The following PLXNA4 variants were observed in gnomAD, a reference collection of about 807,000 sequenced individuals.
PLXNA4 encodes the protein plexin-A4.
A neutral mutation model predicts 191.8 loss-of-function variants in PLXNA4; 44 were observed. The observed-to-expected ratio is 0.23, with a 90% CI of 0.18 to 0.29. PLXNA4 has a LOEUF of 0.29. Among genes scored for constraint, PLXNA4 ranks in the 10% least tolerant of loss-of-function variants. The pLI is 1.00. For missense variants in PLXNA4, 1,800 were observed against 2,488.8 expected (o/e 0.72, Z 5.89); for synonymous variants, 1,082 against 1,009.5 (o/e 1.07, Z -1.36).
intron 3 of PLXNA4, among the ~76,000 whole-genome samples, chr7:132,327,371 T>C (rs887672279): frequency 6.6e-6 from 1 of 152,144 alleles, no homozygotes; most frequent in Non-Finnish European, 1.5e-5. Context: ...AGATTAAATA[T>C]ATAGATTTTT....
rs540250301 is a variant in PLXNA4 at position 132,486,254 on chromosome 7, G to A, written c.1371+3038C>T. Among the ~76,000 whole-genome samples the A allele has an allele frequency of 2.6e-5, 4 of 152,286 alleles. No homozygotes were observed. The East Asian group carries it at 5.8e-4, about 22-fold the overall frequency. On this transcript the variant is annotated intron_variant, in intron 3 of 31. Transcript: ENST00000321063. ...CTCCTGCAGCTCCACAACTTGTCAC[G>A]GCTGGGCCTCTGCCCAAAAGGTGAC...
chr7:132,151,330 AAG>A lies in PLXNA4; in HGVS notation c.4661-2686_4661-2685del, dbSNP rs1218237918. Among the ~76,000 whole-genome samples, 51 of 55,308 alleles carry A rather than the reference AAG, an allele frequency of 9.2e-4. 1 individual carries two copies. The highest frequency in any genetic ancestry group is 1.5e-3 in the East Asian group (2 of 1,362). The allele number at this position is 55,308 out of a possible 152,430, so 36.3% of individuals were successfully genotyped here. ...AGGAAGAAGGAGGAGGAGGAGGAAGAAGAAGGAGGAGGAGGAGGAAGAAGAAG... is the reference window on the plus strand; with the variant it reads ...AGGAAGAAGGAGGAGGAGGAGGAAGAAAGGAGGAGGAGGAGGAAGAAGAAG... On this transcript the variant is annotated intron_variant, in intron 25 of 31. Coordinates refer to ENST00000321063, the MANE Select transcript of PLXNA4 (RefSeq NM_020911.2).
chr7:132,173,334 C>T (rs913658077), intron 21 of PLXNA4, among the ~76,000 whole-genome samples: 4 of 152,164 alleles, frequency 2.6e-5, no homozygotes, highest in African/African-American at 7.2e-5. Context: ...TCAGGATACA[C>T]GTTATGTTTT....
At chr7:132,491,445 C>T (rs939467325) in intron 2 of PLXNA4, among the ~76,000 whole-genome samples, 4 of 152,172 alleles carry the variant, frequency 2.6e-5, no homozygotes, top group Admixed American at 2.6e-4. Context: ...CATCTGAAGC[C>T]TCTCTGATGG....
At chr7:132,646,534 A>G (rs1416506419) in intron 1 of PLXNA4, among the ~76,000 whole-genome samples, 1 of 152,098 alleles carries the variant, frequency 6.6e-6, no homozygotes, top group Non-Finnish European at 1.5e-5. Flanking sequence ...AGAGGAAGAG[A>G]GACCAGAGTG....
chr7:132,164,419 T>A, intron 23 of PLXNA4, 131 bp from the exon 24 acceptor site: 1 of 1,355,556 alleles, frequency 7.4e-7, no homozygotes, highest in East Asian at 2.5e-5. Flanking sequence ...GCTTTTATAC[T>A]CAGCTCTTCA....
At chr7:132,272,115 C>T (rs1246150574) in intron 4 of PLXNA4, among the ~76,000 whole-genome samples, 3 of 152,160 alleles carry the variant, frequency 2.0e-5, no homozygotes, top group African/African-American at 7.2e-5. Flanking sequence ...TGAGTCAGTG[C>T]ATCAACATAC....
At chr7:132,270,690 A>G (rs1052855548) in intron 4 of PLXNA4, among the ~76,000 whole-genome samples, 3 of 152,232 alleles carry the variant, frequency 2.0e-5, no homozygotes, top group Admixed American at 6.5e-5. Flanking sequence ...CCTGATGTAC[A>G]GGCAGAATCA....
In PLXNA4 at chr7:132,249,024, T is replaced by C. The variant is rs1475220449; in HGVS notation, c.1504-7858A>G. On this transcript the variant is annotated intron_variant, in intron 4 of 31. Transcript: ENST00000321063. ...GCAGCAGCCTTGGCTACCACCACTG[T>C]CCCTACCTGCCTCTAGGCAGGACCT... Among the ~76,000 whole-genome samples the C allele has an allele frequency of 2.6e-5, 4 of 152,312 alleles. No individual in the cohort carries two copies. The South Asian group carries it at 8.3e-4, about 32-fold the overall frequency.
intron 20 of PLXNA4, among the ~76,000 whole-genome samples, chr7:132,175,400 T>C (rs1055497237): frequency 6.6e-6 from 1 of 152,188 alleles, no homozygotes; most frequent in African/African-American, 2.4e-5. Flanking sequence ...AAAACAAGTT[T>C]AAAGACACAA....
Position 132,168,360 on chromosome 7 carries a change from G to A in PLXNA4, c.4230C>T (p.Ala1410=), listed in dbSNP as rs749584774. The part of the protein sequence containing the change: ...YATDVLKQLL[A]DLIDKNLESK... ...TCTCCAGGTTCTTGTCAATGAGGTC[G>A]GCCAGCAGCTGCTTCAGCACATCAG... Residue 1410 remains alanine, a synonymous_variant, in exon 22 of 32, where the codon GCC becomes GCT. Transcript: ENST00000321063. 2.7e-5 allele frequency: 43 copies of A among 1,606,220 alleles called. No individual in the cohort carries two copies. Among genetic ancestry groups the A allele is most frequent in the Admixed American group, 5.0e-5 (3 of 59,612 alleles).
chr7:132,358,770 G>T (rs1297660938), intron 3 of PLXNA4, among the ~76,000 whole-genome samples: 3 of 152,196 alleles, frequency 2.0e-5, no homozygotes. Flanking sequence ...GATGAATGCA[G>T]TTATGAGCGA....
intron 1 of PLXNA4, among the ~76,000 whole-genome samples, chr7:132,524,814 G>C (rs562011301): frequency 6.6e-6 from 1 of 151,998 alleles, no homozygotes; most frequent in Non-Finnish European, 1.5e-5. Context: ...TGATCCACCC[G>C]CCTCGGCCTC....
intron 2 of PLXNA4, among the ~76,000 whole-genome samples, chr7:132,501,160 G>T (rs1213031486): frequency 6.6e-6 from 1 of 152,168 alleles, no homozygotes; most frequent in Non-Finnish European, 1.5e-5. Flanking sequence ...GGGGGTGAGG[G>T]AGAACAAGTC....
intron 3 of PLXNA4, among the ~76,000 whole-genome samples, chr7:132,483,415 C>T (rs1000092707): frequency 3.3e-5 from 5 of 152,204 alleles, no homozygotes; most frequent in African/African-American, 1.2e-4. Flanking sequence ...TACATCATGT[C>T]TTTCATCCTT....
intron 1 of PLXNA4, among the ~76,000 whole-genome samples, chr7:132,560,749 C>T (rs1250287786): frequency 6.6e-6 from 1 of 152,138 alleles, no homozygotes; most frequent in Non-Finnish European, 1.5e-5. Context: ...GCATCATCTC[C>T]CACCAGCTGC....
intron 3 of PLXNA4, among the ~76,000 whole-genome samples, chr7:132,401,265 C>T (rs1793971316): frequency 6.6e-6 from 1 of 152,172 alleles, no homozygotes; most frequent in African/African-American, 2.4e-5. Flanking sequence ...ACAGGAACCC[C>T]TCTGTACAAT....
chr7:132,311,839 A>G (rs1174664156), intron 3 of PLXNA4, among the ~76,000 whole-genome samples: 2 of 152,142 alleles, frequency 1.3e-5, no homozygotes, highest in Non-Finnish European at 2.9e-5. Context: ...TCCCAAAGAG[A>G]CTGTGGGGAC....
At chr7:132,249,471 G>A (rs1020316889) in intron 4 of PLXNA4, among the ~76,000 whole-genome samples, 4 of 152,210 alleles carry the variant, frequency 2.6e-5, no homozygotes, top group Admixed American at 6.5e-5. Flanking sequence ...AGCTGGGCAA[G>A]GAGCTCTCAG....
Sources: gnomAD v4.1 joint callset for allele counts (sites outside exome capture counted in the v4.1 genomes callset) on GRCh38, gnomAD v4.1.1 for gene constraint, MANE v1.5 for transcripts, NCBI Gene and HGNC (gene_info 2026-07-23, HGNC 2026-07-21) for gene names.